The following TLR2 variants were observed in gnomAD, a reference collection of about 807,000 sequenced individuals.
TLR2 encodes the protein toll like receptor 2, also known as toll-like receptor 2.
TLR2 carries 7 observed loss-of-function variants against 9.1 expected under a neutral mutation model. That is an observed-to-expected ratio of 0.77 (90% CI 0.44 to 1.44). The LOEUF is 1.44. Among genes scored for constraint, TLR2 ranks in the 40% most tolerant of loss-of-function variants. The pLI is 0.01. For synonymous variants in TLR2, 317 were observed against 344.6 expected (o/e 0.92, Z 0.89); for missense variants, 812 against 904.6 (o/e 0.90, Z 1.31).
Position 153,705,179 on chromosome 4 carries a change from A to T in TLR2, c.2272A>T (p.Thr758Ser), listed in dbSNP as rs531928676. The T allele has an allele frequency of 2.2e-5, 35 of 1,613,956 alleles. No individual in the cohort carries two copies. Among genetic ancestry groups the T allele is most frequent in the Non-Finnish European group, 2.9e-5 (34 of 1,179,914 alleles). The change falls in exon 3 of 3, where the codon ACC becomes TCC. Residue 758 changes from threonine (T) to serine (S), a missense_variant. Transcript: ENST00000642700. The part of the protein sequence containing the change: ...RFCKLRKIMN[T>S]KTYLEWPMDE... ...CTGCAAGCTGCGGAAGATAATGAAC[A>T]CCAAGACCTACCTGGAGTGGCCCAT...
chr4:153,694,801 A>G (rs1736375334), intron 2 of TLR2, among the ~76,000 whole-genome samples: 1 of 151,754 alleles, frequency 6.6e-6, no homozygotes, highest in African/African-American at 2.4e-5. Flanking sequence ...GTACCCATTA[A>G]CCATCCCAGT....
rs576044737 is a variant in TLR2, at chr4:153,696,517, A to G, written c.-16-6375A>G. Among the ~76,000 whole-genome samples, 3 of 152,342 alleles carry G rather than the reference A, an allele frequency of 2.0e-5. No homozygotes were observed. The South Asian group carries it at 6.2e-4, about 32-fold the overall frequency. On this transcript the variant is annotated intron_variant, in intron 2 of 2. Coordinates refer to ENST00000642700, the MANE Select transcript of TLR2 (RefSeq NM_001318789.2). ...TTCAGATTGTTCACTGTTGGCATAT[A>G]CAAATGCTACTGATTTTTGTATGTT...
chr4:153,702,810 T>C, intron 2 of TLR2, 82 bp from the exon 3 acceptor site: 3 of 804,534 alleles, frequency 3.7e-6, no homozygotes, highest in Non-Finnish European at 5.7e-6. Flanking sequence ...GTGTGTGTTA[T>C]GCCTAGAAAA....
downstream of TLR2, chr4:153,710,566 A>G (rs1737501974): frequency 7.3e-7 from 1 of 1,374,386 alleles, no homozygotes; most frequent in East Asian, 2.4e-5. Context: ...TGCAAATATA[A>G]TAAACAATGT....
In TLR2 at chr4:153,704,509, C is replaced by T; in HGVS notation, c.1602C>T (p.Asn534=). ...TLKTLEAGGN[N]FICSCEFLSF... is the part of the protein sequence containing the mutation. ...AGACTTTGGAAGCTGGTGGCAATAA[C>T]TTCATTTGCTCCTGTGAATTCCTCT... Residue 534 remains asparagine, a synonymous_variant, in exon 3 of 3, where the codon AAC becomes AAT. Transcript: ENST00000642700. 5.6e-6 allele frequency: 9 copies of T among 1,614,024 alleles called. No homozygotes were observed. The highest frequency in any genetic ancestry group is 1.3e-5 in the African/African-American group (1 of 75,040).
Position 153,705,193 on chromosome 4 carries a change from G to A in TLR2, c.2286G>A (p.Leu762=), listed in dbSNP as rs770587933. The change falls in exon 3 of 3, where the codon CTG becomes CTA. Residue 762 remains leucine (L), a synonymous_variant. Coordinates refer to ENST00000642700, the MANE Select transcript of TLR2 (RefSeq NM_001318789.2). Reference sequence around the variant, plus strand: ...AGATAATGAACACCAAGACCTACCTGGAGTGGCCCATGGACGAGGCTCAGC... The same window carrying A: ...AGATAATGAACACCAAGACCTACCTAGAGTGGCCCATGGACGAGGCTCAGC... The part of the protein sequence containing the change: ...LRKIMNTKTY[L]EWPMDEAQRE... 22 of 1,613,122 alleles carry A rather than the reference G, an allele frequency of 1.4e-5. No individual in the cohort carries two copies. The highest frequency in any genetic ancestry group is 5.3e-5 in the African/African-American group (4 of 74,876).
intron 2 of TLR2, among the ~76,000 whole-genome samples, chr4:153,694,738 C>T (rs1438573972): frequency 6.6e-6 from 1 of 151,976 alleles, no homozygotes; most frequent in Non-Finnish European, 1.5e-5. Context: ...CTGTGGTCAC[C>T]CTGTTTTGCT....
At chr4:153,698,236 G>C (rs888212036) in intron 2 of TLR2, among the ~76,000 whole-genome samples, 2 of 152,142 alleles carry the variant, frequency 1.3e-5, no homozygotes, top group Non-Finnish European at 2.9e-5. Context: ...TCATAAAACT[G>C]CCAACCCAAC....
At chr4:153,687,733 C>T (rs1735812486) in intron 1 of TLR2, among the ~76,000 whole-genome samples, 169 bp from the exon 2 acceptor site, 1 of 151,552 alleles carries the variant, frequency 6.6e-6, no homozygotes, top group African/African-American at 2.4e-5. Context: ...ATAAGGCAGA[C>T]TCCTAGCTGA....
At position 153,703,602 on chromosome 4, in the gene TLR2, CT is replaced by C; in HGVS notation, c.696del (p.Asp233IlefsTer18). 1 of 1,614,008 alleles carries C rather than the reference CT, an allele frequency of 6.2e-7. No individual in the cohort carries two copies. ...GTGGAATGTTTGGAACTGCGAGATA[CT>C]GATTTGGACACTTTCCATTTTTCAG... ...SSVECLELRDTDLDTFHFSEL... is the reference protein window; with the variant it reads ...SSVECLELRDXDLDTFHFSEL... On this transcript the variant is annotated frameshift_variant, in exon 3 of 3. Coordinates refer to ENST00000642700, the MANE Select transcript of TLR2 (RefSeq NM_001318789.2). LOFTEE classifies it low-confidence loss of function (END_TRUNC).
rs190137191 is a variant in TLR2 at position 153,691,296 on chromosome 4, G to T, written c.-17+3249G>T. On this transcript the variant is annotated intron_variant, in intron 2 of 2. Coordinates refer to ENST00000642700, the MANE Select transcript of TLR2 (RefSeq NM_001318789.2). Reference sequence around the variant, plus strand: ...GAATACCCACAAAGTCAGCTAAATGGGTTTGCCAAGTAAGACTATTTATAG... The same window carrying T: ...GAATACCCACAAAGTCAGCTAAATGTGTTTGCCAAGTAAGACTATTTATAG... Among the ~76,000 whole-genome samples, 21 of 152,304 alleles carry T rather than the reference G, an allele frequency of 1.4e-4. No individual in the cohort carries two copies. In the East Asian group the frequency reaches 4.0e-3, roughly 29 times the overall value.
At chr4:153,688,095 C>G (rs563124007) in intron 2 of TLR2, 48 bp downstream of exon 2, 1 of 152,162 alleles carries the variant, frequency 6.6e-6, no homozygotes, top group Non-Finnish European at 1.5e-5. Context: ...ATTTTCAGCT[C>G]TCTGACTTTA....
rs150163172 is a variant in TLR2 at position 153,703,102 on chromosome 4, C to T, written c.195C>T (p.Thr65=). 404 of 1,614,030 alleles carry T rather than the reference C, an allele frequency of 2.5e-4. No homozygotes were observed. Among genetic ancestry groups the T allele is most frequent in the Admixed American group, 1.0e-3 (60 of 59,996 alleles). The change falls in exon 3 of 3, where the codon ACC becomes ACT. Residue 65 remains threonine, a synonymous_variant. Transcript: ENST00000642700. ...TTGACCTGTCCAACAACAGGATCAC[C>T]TACATTAGCAACAGTGACCTACAGA... The part of the protein sequence containing the change: ...KSLDLSNNRI[T]YISNSDLQRC...
Position 153,704,371 on chromosome 4 carries a change from G to A in TLR2, c.1464G>A (p.Lys488=). Residue 488 remains lysine (K), a synonymous_variant, in exon 3 of 3, where the codon AAG becomes AAA. Coordinates refer to ENST00000642700, the MANE Select transcript of TLR2 (RefSeq NM_001318789.2). The part of the protein sequence containing the change: ...QLKELYISRN[K]LMTLPDASLL... ...AAGAACTTTATATTTCCAGAAATAA[G>A]TTGATGACTCTACCAGATGCCTCCC... is the stretch of plus-strand genomic sequence containing the variant. 1 of 1,614,004 alleles carries A rather than the reference G, an allele frequency of 6.2e-7. No homozygotes were observed. Among genetic ancestry groups the A allele is most frequent in the Non-Finnish European group, 8.5e-7 (1 of 1,180,012 alleles).
downstream of TLR2, among the ~76,000 whole-genome samples, chr4:153,709,689 G>T (rs1353568008): frequency 6.6e-6 from 1 of 152,190 alleles, no homozygotes; most frequent in East Asian, 1.9e-4. Context: ...GTGCCACAAT[G>T]GAATGACTGT....
downstream of TLR2, among the ~76,000 whole-genome samples, chr4:153,708,776 G>A (rs1340086692): frequency 2.6e-5 from 4 of 152,152 alleles, no homozygotes; most frequent in Non-Finnish European, 5.9e-5. Context: ...ATCCATGGGA[G>A]ATTGCACTGG....
downstream of TLR2, chr4:153,710,245 T>C (rs769169198): frequency 4.2e-6 from 3 of 715,378 alleles, no homozygotes; most frequent in African/African-American, 1.8e-5. Context: ...GACAAATTGC[T>C]TGACAACAAA....
At position 153,704,189 on chromosome 4, in the gene TLR2, A is replaced by G. The variant is rs889307272; in HGVS notation, c.1282A>G (p.Met428Val). Residue 428 changes from methionine to valine, a missense_variant, in exon 3 of 3, where the codon ATG becomes GTG. Met to Val is a conservative substitution (Grantham distance 21). Transcript: ENST00000642700. The part of the protein sequence containing the change: ...IDISKNSFHS[M>V]PETCQWPEKM... Reference sequence around the variant, plus strand: ...TATCAGTAAGAATAGTTTTCATTCTATGCCTGAAACTTGTCAGTGGCCAGA... The same window carrying G: ...TATCAGTAAGAATAGTTTTCATTCTGTGCCTGAAACTTGTCAGTGGCCAGA... 9 of 1,614,208 alleles carry G rather than the reference A, an allele frequency of 5.6e-6. No homozygotes were observed. Among genetic ancestry groups the G allele is most frequent in the Admixed American group, 1.7e-5 (1 of 60,020 alleles).
At chr4:153,692,019 G>A (rs890910391) in intron 2 of TLR2, among the ~76,000 whole-genome samples, 3 of 152,150 alleles carry the variant, frequency 2.0e-5, no homozygotes, top group Admixed American at 6.5e-5. Flanking sequence ...TTTACGAGTA[G>A]GTTCAATTGC....
Sources: gnomAD v4.1 joint callset for allele counts (sites outside exome capture counted in the v4.1 genomes callset) on GRCh38, gnomAD v4.1.1 for gene constraint, MANE v1.5 for transcripts, NCBI Gene and HGNC (gene_info 2026-07-23, HGNC 2026-07-21) for gene names.